The following NUDT3 variants were observed in gnomAD, a reference collection of about 807,000 sequenced individuals.
NUDT3 encodes the protein diphosphoinositol polyphosphate phosphohydrolase 1.
In NUDT3, 9 loss-of-function variants were observed where a neutral mutation model predicts 23.6. The ratio of observed to expected loss-of-function variants is 0.38; its 90% CI spans 0.23 to 0.66. The LOEUF is 0.66. Among genes scored for constraint, NUDT3 ranks in the 30% least tolerant of loss-of-function variants. The pLI, the probability that NUDT3 is intolerant of heterozygous loss-of-function variation, is 0.52. For synonymous variants in NUDT3, 86 were observed against 82.6 expected (o/e 1.04, Z -0.22); for missense variants, 172 against 218.5 (o/e 0.79, Z 1.34).
chr6:34,320,050 T>C (rs1404838084), intron 2 of NUDT3, among the ~76,000 whole-genome samples: 1 of 152,182 alleles, frequency 6.6e-6, no homozygotes, highest in African/African-American at 2.4e-5. Context: ...GTCTCCTTTT[T>C]AATAATTTAC....
Position 34,353,704 on chromosome 6 carries a change from CTTTTGT to C in NUDT3, c.100-11738_100-11733del, listed in dbSNP as rs774492384. Among the ~76,000 whole-genome samples the C allele has an allele frequency of 2.7e-4, 41 of 151,832 alleles. No homozygotes were observed. In the South Asian group the frequency reaches 3.7e-3, roughly 14 times the overall value. The stretch of plus-strand genomic sequence containing the variant: ...CAGGCATGAGCCACACCCAGCCTTG[CTTTTGT>C]TTTTGTTTTTAAGACAGGATCTCGT... On this transcript the variant is annotated intron_variant, in intron 1 of 4. Coordinates refer to ENST00000607016, the MANE Select transcript of NUDT3 (RefSeq NM_006703.4).
chr6:34,288,823 T>C lies in NUDT3; in HGVS notation c.449A>G (p.Asn150Ser). 6 of 1,614,172 alleles carry C rather than the reference T, an allele frequency of 3.7e-6. No homozygotes were observed. The highest frequency in any genetic ancestry group is 1.7e-5 in the Admixed American group (1 of 60,008). Reference sequence around the variant, plus strand: ...GGTGGCCACGACTGGGGTGCCATTGTTGGCTGAGTAGCCTTGCCTCAATGT... The same window carrying C: ...GGTGGCCACGACTGGGGTGCCATTGCTGGCTGAGTAGCCTTGCCTCAATGT... ...FETLRQGYSA[N>S]NGTPVVATTY... is the part of the protein sequence containing the mutation. Residue 150 changes from asparagine to serine, a missense_variant, in exon 5 of 5, where the codon AAC (asparagine) becomes AGC (serine). This residue lies in a region of NUDT3 where 63 missense variants were observed against 64.9 expected (regional missense o/e 0.97). Coordinates refer to ENST00000607016, the MANE Select transcript of NUDT3 (RefSeq NM_006703.4).
At chr6:34,374,752 C>T (rs1263807852) in intron 1 of NUDT3, among the ~76,000 whole-genome samples, 1 of 152,110 alleles carries the variant, frequency 6.6e-6, no homozygotes, top group African/African-American at 2.4e-5. Context: ...TCTGTGGTTC[C>T]TGCCTTCGTT....
At position 34,338,612 on chromosome 6, in the gene NUDT3, T is replaced by C. The variant is rs186049587; in HGVS notation, c.210+3250A>G. ...ATAACATTCAATCAGTAAACAGCTA[T>C]GAGGAAGGTGCAGACTCTGAACTGG... On this transcript the variant is annotated intron_variant, in intron 2 of 4. Coordinates refer to ENST00000607016, the MANE Select transcript of NUDT3 (RefSeq NM_006703.4). Among the ~76,000 whole-genome samples, 520 of 152,314 alleles carry C rather than the reference T, an allele frequency of 3.4e-3. 5 individuals are homozygous for C. Among genetic ancestry groups the C allele is most frequent in the Admixed American group, 7.6e-3 (116 of 15,300 alleles).
intron 2 of NUDT3, among the ~76,000 whole-genome samples, chr6:34,340,861 G>A (rs1356148578): frequency 6.6e-6 from 1 of 152,206 alleles, no homozygotes; most frequent in African/African-American, 2.4e-5. Context: ...ATGCTACAAT[G>A]AGAGTGACAT....
chr6:34,322,275 G>A (rs1193510608), intron 2 of NUDT3, among the ~76,000 whole-genome samples: 1 of 151,266 alleles, frequency 6.6e-6, no homozygotes, highest in East Asian at 1.9e-4. Flanking sequence ...CTGTCGCCCA[G>A]GCTGGAGTGC....
chr6:34,296,563 G>A (rs1481352951), intron 2 of NUDT3, among the ~76,000 whole-genome samples: 2 of 152,188 alleles, frequency 1.3e-5, no homozygotes, highest in Non-Finnish European at 2.9e-5. Flanking sequence ...GACAGAGCCA[G>A]ACCCTGTCGG....
chr6:34,297,763 T>A lies in NUDT3; in HGVS notation c.211-2078A>T, dbSNP rs1300749090. Among the ~76,000 whole-genome samples, 181 of 97,426 alleles carry A rather than the reference T, an allele frequency of 1.9e-3. 6 individuals are homozygous for A. Among genetic ancestry groups the A allele is most frequent in the African/African-American group, 8.6e-3 (152 of 17,760 alleles). The allele number at this position is 97,426 out of a possible 152,430, so 63.9% of individuals were successfully genotyped here. ...TATATATATATATATATATATAATT[T>A]TTTTTTTTTTTTTAGTAGAGACGGG... On this transcript the variant is annotated intron_variant, in intron 2 of 4. Transcript: ENST00000607016.
At chr6:34,304,701 C>T (rs973489413) in intron 2 of NUDT3, among the ~76,000 whole-genome samples, 1 of 151,354 alleles carries the variant, frequency 6.6e-6, no homozygotes. Context: ...ACTCTGTCTC[C>T]CAGTCTGGAG....
intron 2 of NUDT3, among the ~76,000 whole-genome samples, chr6:34,331,867 A>G (rs1764134149): frequency 6.6e-6 from 1 of 152,016 alleles, no homozygotes; most frequent in Non-Finnish European, 1.5e-5. Flanking sequence ...ACGCAGTCAA[A>G]CATCTGTGTA....
At chr6:34,376,126 C>T (rs1764918620) in intron 1 of NUDT3, among the ~76,000 whole-genome samples, 1 of 152,196 alleles carries the variant, frequency 6.6e-6, no homozygotes, top group African/African-American at 2.4e-5. Context: ...ACTTCAAATT[C>T]GACATGACAA....
chr6:34,339,814 T>C lies in NUDT3; in HGVS notation c.210+2048A>G, dbSNP rs1047613668. Among the ~76,000 whole-genome samples the C allele has an allele frequency of 2.6e-5, 4 of 152,226 alleles. No individual in the cohort carries two copies. The East Asian group carries it at 7.7e-4, about 29-fold the overall frequency. ...TATCCATTCTTTTTTAGAGTAAACA[T>C]ATATTGGCACATTCCAATGTAAGCT... is the stretch of plus-strand genomic sequence containing the variant. On this transcript the variant is annotated intron_variant, in intron 2 of 4. Coordinates refer to ENST00000607016, the MANE Select transcript of NUDT3 (RefSeq NM_006703.4).
chr6:34,281,131 T>C lies in NUDT3; in HGVS notation c.*7622A>G, dbSNP rs959996249. On this transcript the variant is annotated 3_prime_UTR_variant, in exon 5 of 5. Transcript: ENST00000607016. ...GTCCCAGGGATGTTAACCTTTCTGATGCTGATAGTAGATGAGTGGAGTGGA... is the reference window on the plus strand; with the variant it reads ...GTCCCAGGGATGTTAACCTTTCTGACGCTGATAGTAGATGAGTGGAGTGGA... 1.3e-5 allele frequency: 2 copies of C among 152,230 alleles called. No homozygotes were observed. Among genetic ancestry groups the C allele is most frequent in the Non-Finnish European group, 2.9e-5 (2 of 68,054 alleles). 9.4% of individuals were successfully genotyped at this position (152,230 alleles called of 1,614,324 possible).
In NUDT3 at chr6:34,284,537, T is replaced by G. The variant is rs372307587; in HGVS notation, c.*4216A>C. 1.2e-3 allele frequency: 180 copies of G among 151,942 alleles called. No homozygotes were observed. Among genetic ancestry groups the G allele is most frequent in the African/African-American group, 4.2e-3 (176 of 41,438 alleles). The allele number at this position is 151,942 out of a possible 1,614,324, so 9.4% of individuals were successfully genotyped here. A position where few individuals can be genotyped will look rare whatever the true frequency, so the allele number is the denominator to read the frequency against. ...AATGTGGCTTAGGCTAAGCTGTTTT[T>G]TTTTTTTTTTTTTTAAAGATGAGGA... On this transcript the variant is annotated 3_prime_UTR_variant, in exon 5 of 5. Transcript: ENST00000607016.
At chr6:34,328,182 C>T (rs1168289697) in intron 2 of NUDT3, among the ~76,000 whole-genome samples, 3 of 152,326 alleles carry the variant, frequency 2.0e-5, no homozygotes, top group East Asian at 1.9e-4. Flanking sequence ...TGAACCACCA[C>T]GCCCGGCCAA....
rs564044467 is a variant in NUDT3 at position 34,380,144 on chromosome 6, C to T, written c.99+12120G>A. 3.3e-5 allele frequency among the ~76,000 whole-genome samples: 5 copies of T among 152,000 alleles called. No homozygotes were observed. The South Asian group carries it at 8.3e-4, about 25-fold the overall frequency. Reference sequence around the variant, plus strand: ...TGTTGCCCAGACTGGAGTGCAACAGCGCGATCTCGGCTCACTGCAACTTCC... The same window carrying T: ...TGTTGCCCAGACTGGAGTGCAACAGTGCGATCTCGGCTCACTGCAACTTCC... On this transcript the variant is annotated intron_variant, in intron 1 of 4. Coordinates refer to ENST00000607016, the MANE Select transcript of NUDT3 (RefSeq NM_006703.4).
intron 2 of NUDT3, among the ~76,000 whole-genome samples, chr6:34,315,894 TC>T (rs1163718825): frequency 6.6e-6 from 1 of 152,232 alleles, no homozygotes; most frequent in Non-Finnish European, 1.5e-5. Flanking sequence ...AAATAGCTGA[TC>T]GTCTTTCTTC....
At chr6:34,290,784 T>C (rs950341504) in intron 4 of NUDT3, among the ~76,000 whole-genome samples, 11 of 148,718 alleles carry the variant, frequency 7.4e-5, no homozygotes, top group South Asian at 2.2e-4. Flanking sequence ...GGACATCAAT[T>C]GTCTGTGATT....
chr6:34,353,507 TTC>T (rs1456162293), intron 1 of NUDT3, among the ~76,000 whole-genome samples: 2 of 151,740 alleles, frequency 1.3e-5, no homozygotes, highest in Admixed American at 1.3e-4. Flanking sequence ...GTTCAAACGA[TTC>T]TCTTACCTCA....
Sources: gnomAD v4.1 joint callset for allele counts (sites outside exome capture counted in the v4.1 genomes callset) on GRCh38, gnomAD v4.1.1 for gene constraint, gnomAD v4.1.1 regional missense constraint, MANE v1.5 for transcripts, NCBI Gene and HGNC (gene_info 2026-07-23, HGNC 2026-07-21) for gene names.